Variants in DAAM2 observed in about 807,000 individuals in gnomAD.
DAAM2 encodes dishevelled associated activator of morphogenesis 2, also known as disheveled-associated activator of morphogenesis 2.
DAAM2 carries 39 observed loss-of-function variants against 120.7 expected under a neutral mutation model. That is an observed-to-expected ratio of 0.32 (90% CI 0.25 to 0.42). DAAM2 has a LOEUF of 0.42. Ranked by LOEUF, DAAM2 falls within the 10% of genes least tolerant of loss-of-function variation. The probability of loss-of-function intolerance (pLI) is 1.00; values close to 1 mark genes in which losing one functional copy is unlikely to be tolerated. For missense variants in DAAM2, 1,283 were observed against 1,401.7 expected (o/e 0.92, Z 1.35); for synonymous variants, 488 against 524.9 (o/e 0.93, Z 0.96).
At chr6:39,813,578 CTCCTT>C (rs1207878605) in intron 1 of DAAM2, among the ~76,000 whole-genome samples, 1 of 152,098 alleles carries the variant, frequency 6.6e-6, no homozygotes, top group African/African-American at 2.4e-5. Context: ...AAAAAATTCT[CTCCTT>C]TATTATAAAA....
At chr6:39,887,201 C>T (rs2149347356) in intron 15 of DAAM2, 2 of 340,564 alleles carry the variant, frequency 5.9e-6, no homozygotes, top group East Asian at 6.9e-5. Context: ...TCCCTCATTG[C>T]CCAGAGTGGA....
Position 39,900,097 on chromosome 6 carries a change from C to A in DAAM2, c.2700C>A (p.Arg900=), listed in dbSNP as rs1223080231. ...AVEVELEYQR[R]QVREPSDKFV... ...CTCAGGAGCTGGAGTATCAGAGGCG[C>A]CAGGTACGGGAGCCCAGTGACAAGT... The change falls in exon 23 of 25, where the codon CGC becomes CGA. Residue 900 remains arginine, a synonymous_variant. Coordinates refer to ENST00000274867, the MANE Select transcript of DAAM2 (RefSeq NM_001201427.2). 14 of 1,600,820 alleles carry A rather than the reference C, an allele frequency of 8.7e-6. No individual in the cohort carries two copies. Among genetic ancestry groups the A allele is most frequent in the Admixed American group, 1.7e-5 (1 of 58,486 alleles).
At position 39,903,725 on chromosome 6, in the gene DAAM2, TG is replaced by T. The variant is rs1730866372; in HGVS notation, c.*1692del. On this transcript the variant is annotated 3_prime_UTR_variant, in exon 25 of 25. Coordinates refer to ENST00000274867, the MANE Select transcript of DAAM2 (RefSeq NM_001201427.2). ...CTGCCTTTCACTTGCATCCAACTCC[TG>T]GGGCTGGGACCGTAGTAGCTGCGGG... 6.1e-6 allele frequency: 1 copy of T among 164,616 alleles called. No individual in the cohort carries two copies. The highest frequency in any genetic ancestry group is 1.3e-5 in the Non-Finnish European group (1 of 75,194). 10.2% of individuals were successfully genotyped at this position (164,616 alleles called of 1,614,324 possible). A position where few individuals can be genotyped will look rare whatever the true frequency, so the allele number is the denominator to read the frequency against.
rs1763541827 is a variant in DAAM2, at chr6:39,845,389, C to CAT, written c.-56-10858_-56-10857insAT. ...GCACAAACATACACATATACACACA[C>CAT]CACACATACACATTCCCTACCTACA... On this transcript the variant is annotated intron_variant, in intron 1 of 24. Coordinates refer to ENST00000274867, the MANE Select transcript of DAAM2 (RefSeq NM_001201427.2). Among the ~76,000 whole-genome samples, 6 of 150,278 alleles carry CAT rather than the reference C, an allele frequency of 4.0e-5. 1 individual carries two copies. The highest frequency in any genetic ancestry group is 7.4e-5 in the African/African-American group (3 of 40,728).
rs531581122 is a variant in DAAM2, at chr6:39,832,085, G to A, written c.-56-24162G>A. 2.9e-4 allele frequency among the ~76,000 whole-genome samples: 44 copies of A among 150,644 alleles called. 1 individual carries two copies. The South Asian group carries it at 7.0e-3, about 24-fold the overall frequency. ...TGTACTGAGGGAGTAGGTGCACTGG[G>A]GGAACAGGTGTACTGGGGGGACAGG... is the stretch of plus-strand genomic sequence containing the variant. On this transcript the variant is annotated intron_variant, in intron 1 of 24. Transcript: ENST00000274867.
chr6:39,818,378 G>A (rs1762378916), intron 1 of DAAM2, among the ~76,000 whole-genome samples: 1 of 152,052 alleles, frequency 6.6e-6, no homozygotes, highest in Non-Finnish European at 1.5e-5. Context: ...CGGGGGTGGG[G>A]ACCAACAATA....
rs770301199 is a variant in DAAM2, at chr6:39,865,000, T to G, written c.354T>G (p.Phe118Leu). ...SMAAMQSLYA[F>L]DEEETEMRNQ... ...CTCAGATGCAGAGTCTGTACGCGTT[T>G]GATGAGGAGGAGACGGAGATGAGGA... Residue 118 changes from phenylalanine to leucine, a missense_variant, in exon 5 of 25, where the codon TTT (phenylalanine) becomes TTG (leucine). Physicochemically the swap from Phe to Leu is conservative, Grantham distance 22. Coordinates refer to ENST00000274867, the MANE Select transcript of DAAM2 (RefSeq NM_001201427.2). The G allele has an allele frequency of 1.2e-5, 19 of 1,606,382 alleles. No homozygotes were observed. The highest frequency in any genetic ancestry group is 1.6e-5 in the Non-Finnish European group (19 of 1,176,846).
intron 1 of DAAM2, among the ~76,000 whole-genome samples, chr6:39,817,138 T>A (rs1224356181): frequency 6.6e-6 from 1 of 152,144 alleles, no homozygotes; most frequent in East Asian, 1.9e-4. Context: ...GGGTTAAGAC[T>A]CCCAGGATCC....
intron 1 of DAAM2, chr6:39,855,964 T>C: frequency 5.5e-6 from 5 of 912,514 alleles, no homozygotes; most frequent in Non-Finnish European, 6.6e-6. Context: ...ACCCCAGCCT[T>C]TGTCCTTCTC....
In DAAM2 at chr6:39,879,299, C is replaced by G. The variant is rs770538092; in HGVS notation, c.1667C>G (p.Pro556Arg). The G allele has an allele frequency of 1.3e-6, 2 of 1,495,696 alleles. No homozygotes were observed. Among genetic ancestry groups the G allele is most frequent in the Non-Finnish European group, 1.8e-6 (2 of 1,090,182 alleles). 92.7% of individuals were successfully genotyped at this position (1,495,696 alleles called of 1,614,324 possible). ...PLPFACCPPPPPPPLPPGGPP... is the reference protein window; with the variant it reads ...PLPFACCPPPRPPPLPPGGPP... Reference sequence around the variant, plus strand: ...CCCTTTGCCTGTTGTCCCCCTCCCCCACCACCACCCCTTCCTCCCGGGGGA... The same window carrying G: ...CCCTTTGCCTGTTGTCCCCCTCCCCGACCACCACCCCTTCCTCCCGGGGGA... Residue 556 changes from proline (P) to arginine (R), a missense_variant, in exon 14 of 25, where the codon CCA becomes CGA. Physicochemically the swap from Pro to Arg is moderately radical, Grantham distance 103. This residue lies in a region of DAAM2 where 748 missense variants were observed against 768.6 expected (regional missense o/e 0.97). Coordinates refer to ENST00000274867, the MANE Select transcript of DAAM2 (RefSeq NM_001201427.2).
In DAAM2 at chr6:39,901,808, C is replaced by G. The variant is rs537337977; in HGVS notation, c.2983-5C>G. On this transcript the variant is annotated splice_polypyrimidine_tract_variant and splice_region_variant and intron_variant, in intron 24 of 24. Transcript: ENST00000274867. The surrounding 1 kb of genome is among the most constrained non-coding windows in gnomAD (Gnocchi z 4.5). ...GGGTTCCTATCTTTGGCCCCCCGCCCGCAGCTGAAGGAGCAGAGGGAACGT... is the reference window on the plus strand; with the variant it reads ...GGGTTCCTATCTTTGGCCCCCCGCCGGCAGCTGAAGGAGCAGAGGGAACGT... The G allele has an allele frequency of 6.6e-6, 10 of 1,522,330 alleles. No homozygotes were observed. Among genetic ancestry groups the G allele is most frequent in the Non-Finnish European group, 8.8e-6 (10 of 1,135,588 alleles). The allele number at this position is 1,522,330 out of a possible 1,614,324, so 94.3% of individuals were successfully genotyped here. A position where few individuals can be genotyped will look rare whatever the true frequency, so the allele number is the denominator to read the frequency against.
At chr6:39,803,736 GT>G (rs1761932732) in intron 1 of DAAM2, among the ~76,000 whole-genome samples, 1 of 152,174 alleles carries the variant, frequency 6.6e-6, no homozygotes, top group Admixed American at 6.5e-5. Context: ...CTTGGGTGCT[GT>G]CCCCCTAGAA....
At chr6:39,811,424 G>C (rs565722849) in intron 1 of DAAM2, among the ~76,000 whole-genome samples, 3 of 152,252 alleles carry the variant, frequency 2.0e-5, no homozygotes, top group Admixed American at 2.0e-4. Context: ...TATGTACATT[G>C]ACTATTTCAG....
intron 22 of DAAM2, 33 bp downstream of exon 22, chr6:39,898,970 G>A: frequency 6.3e-7 from 1 of 1,575,188 alleles, no homozygotes. Flanking sequence ...CCTGGGTGAG[G>A]GCTGCTGTCA....
rs748162304 is a variant in DAAM2 at position 39,901,798 on chromosome 6, G to GCC, written c.2983-10_2983-9dup. The stretch of plus-strand genomic sequence containing the variant: ...CTCCCTGAGAGGGTTCCTATCTTTG[G>GCC]CCCCCCGCCCGCAGCTGAAGGAGCA... On this transcript the variant is annotated splice_polypyrimidine_tract_variant and intron_variant, in intron 24 of 24. Coordinates refer to ENST00000274867, the MANE Select transcript of DAAM2 (RefSeq NM_001201427.2). The surrounding 1 kb of genome is among the most constrained non-coding windows in gnomAD (Gnocchi z 4.5). 2 of 1,512,706 alleles carry GCC rather than the reference G, an allele frequency of 1.3e-6. No individual in the cohort carries two copies. Among genetic ancestry groups the GCC allele is most frequent in the African/African-American group, 1.4e-5 (1 of 72,200 alleles). The allele number at this position is 1,512,706 out of a possible 1,614,324, so 93.7% of individuals were successfully genotyped here.
chr6:39,839,610 G>C (rs1295189445), intron 1 of DAAM2, among the ~76,000 whole-genome samples: 1 of 152,248 alleles, frequency 6.6e-6, no homozygotes, highest in Non-Finnish European at 1.5e-5. Flanking sequence ...GCCTCAGCCT[G>C]GGCTGGAGGT....
At chr6:39,864,388 GC>G (rs1391937553) in intron 3 of DAAM2, 44 bp from the exon 4 acceptor site, 1 of 1,486,184 alleles carries the variant, frequency 6.7e-7, no homozygotes, top group Non-Finnish European at 9.3e-7. Context: ...CAGGCCACGG[GC>G]CTGTCTTGCC....
At chr6:39,839,226 C>G (rs1490996153) in intron 1 of DAAM2, among the ~76,000 whole-genome samples, 15 of 151,966 alleles carry the variant, frequency 9.9e-5, no homozygotes, top group Admixed American at 9.8e-4. Context: ...TGTAAAAATT[C>G]TGGCGAAAAA....
chr6:39,860,605 A>G (rs2149291708), intron 2 of DAAM2, among the ~76,000 whole-genome samples: 1 of 152,350 alleles, frequency 6.6e-6, no homozygotes, highest in African/African-American at 2.4e-5. Flanking sequence ...CGAGAGGATC[A>G]GGAGCTAGCA....
Sources: gnomAD v4.1 joint callset for allele counts (sites outside exome capture counted in the v4.1 genomes callset) on GRCh38, gnomAD v4.1.1 for gene constraint, gnomAD v4.1.1 regional missense constraint, Gnocchi (gnomAD v3.1) non-coding constraint, MANE v1.5 for transcripts, NCBI Gene and HGNC (gene_info 2026-07-23, HGNC 2026-07-21) for gene names.